IMMP2L: variants seen among roughly 807,000 people sequenced by gnomAD.
IMMP2L encodes the protein mitochondrial inner membrane protease subunit 2.
In IMMP2L, 18 loss-of-function variants were observed where a neutral mutation model predicts 19.3. That is an observed-to-expected ratio of 0.93 (90% CI 0.64 to 1.38). IMMP2L has a LOEUF of 1.38. Ranked by LOEUF, IMMP2L falls within the 40% of genes most tolerant of loss-of-function variation. IMMP2L has a pLI of 0.00. For synonymous variants in IMMP2L, 76 were observed against 73.0 expected (o/e 1.04, Z -0.21); for missense variants, 233 against 218.2 (o/e 1.07, Z -0.43).
rs555614393 is a variant in IMMP2L at position 111,357,773 on chromosome 7, T to A, written c.239+129465A>T. 5.9e-5 allele frequency among the ~76,000 whole-genome samples: 9 copies of A among 152,084 alleles called. No homozygotes were observed. The South Asian group carries it at 1.7e-3, about 28-fold the overall frequency. On this transcript the variant is annotated intron_variant, in intron 3 of 5. Coordinates refer to ENST00000405709, the MANE Select transcript of IMMP2L (RefSeq NM_032549.4). ...CTCTCTTAGCCCTAAGCAACATGAG[T>A]CATCATGAAGAAATTATATATATAT... is the stretch of plus-strand genomic sequence containing the variant.
chr7:111,086,436 T>A (rs1209413945), intron 3 of IMMP2L, among the ~76,000 whole-genome samples: 1 of 129,960 alleles, frequency 7.7e-6, no homozygotes, highest in Admixed American at 8.5e-5. Context: ...GAGCAAAAAC[T>A]GTCTCAAAAA....
At chr7:111,100,471 G>T (rs1432101538) in intron 3 of IMMP2L, among the ~76,000 whole-genome samples, 1 of 148,132 alleles carries the variant, frequency 6.8e-6, no homozygotes, top group Non-Finnish European at 1.5e-5. Context: ...AACATATACA[G>T]ATTTAAAATA....
chr7:110,674,646 C>A (rs912933196), intron 5 of IMMP2L, among the ~76,000 whole-genome samples: 14 of 152,146 alleles, frequency 9.2e-5, no homozygotes, highest in African/African-American at 3.4e-4. Flanking sequence ...AAAGTCAAAA[C>A]GAACTGAAAC....
chr7:111,397,899 A>G (rs1018366097), intron 3 of IMMP2L, among the ~76,000 whole-genome samples: 7 of 152,028 alleles, frequency 4.6e-5, no homozygotes, highest in African/African-American at 1.4e-4. Context: ...TTCCTTCATT[A>G]TATGTCCCTT....
chr7:110,975,096 T>A (rs1160848756), intron 3 of IMMP2L, among the ~76,000 whole-genome samples: 2 of 152,168 alleles, frequency 1.3e-5, no homozygotes, highest in Non-Finnish European at 2.9e-5. Flanking sequence ...ATAGTTACAC[T>A]GATCTAATCA....
chr7:111,179,548 A>C (rs1451521245), intron 3 of IMMP2L, among the ~76,000 whole-genome samples: 5 of 152,034 alleles, frequency 3.3e-5, no homozygotes, highest in Non-Finnish European at 7.4e-5. Context: ...ACAGAGAACA[A>C]GTAGAACAGA....
In IMMP2L at chr7:111,188,891, T is replaced by C. The variant is rs541127772; in HGVS notation, c.240-225326A>G. Among the ~76,000 whole-genome samples, 8 of 152,268 alleles carry C rather than the reference T, an allele frequency of 5.3e-5. No individual in the cohort carries two copies. In the East Asian group the frequency reaches 1.4e-3, roughly 26 times the overall value. On this transcript the variant is annotated intron_variant, in intron 3 of 5. Transcript: ENST00000405709. ...CAATAGGAAGATTTCCTACCTAATATGATCTTTTTAAGCCAAGGGAATTAT... is the reference window on the plus strand; with the variant it reads ...CAATAGGAAGATTTCCTACCTAATACGATCTTTTTAAGCCAAGGGAATTAT...
At chr7:111,311,441 T>A (rs752211886) in intron 3 of IMMP2L, among the ~76,000 whole-genome samples, 2 of 152,072 alleles carry the variant, frequency 1.3e-5, no homozygotes, top group Non-Finnish European at 2.9e-5. Context: ...AGGATTAGTG[T>A]CAAGTAAGAG....
At chr7:111,048,826 C>T (rs1229088621) in intron 3 of IMMP2L, among the ~76,000 whole-genome samples, 1 of 152,086 alleles carries the variant, frequency 6.6e-6, no homozygotes, top group African/African-American at 2.4e-5. Context: ...ATTTCCTGAG[C>T]ATCTATCTTC....
chr7:111,458,096 C>A (rs1389200577), intron 3 of IMMP2L, among the ~76,000 whole-genome samples: 1 of 152,070 alleles, frequency 6.6e-6, no homozygotes, highest in African/African-American at 2.4e-5. Context: ...TTATAGAATG[C>A]ACCAGGGCAC....
rs547077322 is a variant in IMMP2L at position 111,336,211 on chromosome 7, A to ATT, written c.239+151025_239+151026dup. Among the ~76,000 whole-genome samples, 347 of 144,922 alleles carry ATT rather than the reference A, an allele frequency of 2.4e-3. 6 individuals are homozygous for ATT. Among genetic ancestry groups the ATT allele is most frequent in the South Asian group, 0.012 (53 of 4,606 alleles). On this transcript the variant is annotated intron_variant, in intron 3 of 5. Transcript: ENST00000405709. ...ACAGGTGTGTGCCGCCAGGCCGGCT[A>ATT]TTTTTTTTTTTTTTAAGTTTTTTGT...
rs143922065 is a variant in IMMP2L at position 111,340,944 on chromosome 7, G to A, written c.239+146294C>T. Among the ~76,000 whole-genome samples the A allele has an allele frequency of 3.0e-3, 455 of 152,098 alleles. 2 individuals are homozygous for A. Among genetic ancestry groups the A allele is most frequent in the Non-Finnish European group, 4.3e-3 (295 of 67,958 alleles). On this transcript the variant is annotated intron_variant, in intron 3 of 5. Transcript: ENST00000405709. ...AGGAAGGTCACATGAGGGAGGAAAT[G>A]TTCTTTATCGATATTGATCAGTGTG...
chr7:111,286,089 A>G (rs945799594), intron 3 of IMMP2L, among the ~76,000 whole-genome samples: 4 of 152,196 alleles, frequency 2.6e-5, no homozygotes, highest in African/African-American at 9.6e-5. Flanking sequence ...TACATACAGT[A>G]TAACACTAAA....
intron 5 of IMMP2L, among the ~76,000 whole-genome samples, chr7:110,884,555 T>C (rs1219458717): frequency 6.6e-6 from 1 of 152,064 alleles, no homozygotes; most frequent in African/African-American, 2.4e-5. Flanking sequence ...GCAATGATCA[T>C]ATACTCAAGA....
chr7:111,183,552 G>A (rs749730572), intron 3 of IMMP2L, among the ~76,000 whole-genome samples: 6 of 152,060 alleles, frequency 3.9e-5, no homozygotes, highest in Non-Finnish European at 7.4e-5. Flanking sequence ...TCCACAGAGA[G>A]TTATAAAGGG....
At chr7:111,323,326 C>T (rs1052323276) in intron 3 of IMMP2L, among the ~76,000 whole-genome samples, 4 of 151,936 alleles carry the variant, frequency 2.6e-5, no homozygotes, top group African/African-American at 9.7e-5. Flanking sequence ...AAAAAGTGGG[C>T]AAAGGATATG....
chr7:110,787,173 A>T (rs1800138943), intron 5 of IMMP2L, among the ~76,000 whole-genome samples: 1 of 152,144 alleles, frequency 6.6e-6, no homozygotes, highest in African/African-American at 2.4e-5. Context: ...AGTGTCTTTT[A>T]TTTGAGAATC....
intron 3 of IMMP2L, among the ~76,000 whole-genome samples, chr7:111,330,043 C>G (rs1222986147): frequency 1.3e-5 from 2 of 151,658 alleles, no homozygotes; most frequent in Non-Finnish European, 2.9e-5. Context: ...TCCATAAATT[C>G]TGCAATTAGG....
chr7:110,990,364 T>A (rs550358401), intron 3 of IMMP2L, among the ~76,000 whole-genome samples: 4 of 152,298 alleles, frequency 2.6e-5, no homozygotes, highest in Admixed American at 2.6e-4. Flanking sequence ...ATAGGAAATC[T>A]AAATGGGCCA....
Sources: gnomAD v4.1 joint callset for allele counts (sites outside exome capture counted in the v4.1 genomes callset) on GRCh38, gnomAD v4.1.1 for gene constraint, MANE v1.5 for transcripts, NCBI Gene and HGNC (gene_info 2026-07-23, HGNC 2026-07-21) for gene names.